The following SIL1 variants were observed in gnomAD, a reference collection of about 807,000 sequenced individuals.
SIL1 encodes nucleotide exchange factor SIL1.
In SIL1, 40 loss-of-function variants were observed where a neutral mutation model predicts 49.1. The observed-to-expected ratio is 0.81, with a 90% CI of 0.63 to 1.06. SIL1 has a LOEUF of 1.06. SIL1 is among the 50% of genes least tolerant of loss of function. SIL1 has a pLI of 0.00. For missense variants in SIL1, 500 were observed against 572.6 expected, an observed-to-expected ratio of 0.87 and a Z score of 1.29; for synonymous variants, 253 against 250.8, an observed-to-expected ratio of 1.01 and a Z score of -0.08.
intron 1 of SIL1, among the ~76,000 whole-genome samples, chr5:139,148,775 C>T (rs1751240101): frequency 6.6e-6 from 1 of 152,198 alleles, no homozygotes; most frequent in South Asian, 2.1e-4. Context: ...ACAGAACTAC[C>T]AACTCACCTC....
chr5:139,008,823 G>A (rs573099694), intron 7 of SIL1, among the ~76,000 whole-genome samples: 160 of 152,274 alleles, frequency 1.1e-3, no homozygotes, highest in Middle Eastern at 3.4e-3. Flanking sequence ...TGTGGTCTGA[G>A]AGATAGTTTG....
At chr5:139,032,872 A>G (rs1768822521) in intron 5 of SIL1, 1 of 151,926 alleles carries the variant, frequency 6.6e-6, no homozygotes, top group Non-Finnish European at 1.5e-5. Context: ...CTCTTACTGT[A>G]TTTTCCTTTT....
intron 1 of SIL1, among the ~76,000 whole-genome samples, chr5:139,166,177 T>C (rs919680616): frequency 6.6e-6 from 1 of 152,164 alleles, no homozygotes; most frequent in Non-Finnish European, 1.5e-5. Flanking sequence ...TCTCCCTAAC[T>C]AGACAACAAC....
At chr5:138,960,234 C>T (rs909095382) in intron 7 of SIL1, among the ~76,000 whole-genome samples, 8 of 152,100 alleles carry the variant, frequency 5.3e-5, no homozygotes, top group South Asian at 2.1e-4. Context: ...CTTCCTGATC[C>T]GTGCCATCTG....
At chr5:139,160,689 G>A (rs1159550669) in intron 1 of SIL1, among the ~76,000 whole-genome samples, 1 of 152,106 alleles carries the variant, frequency 6.6e-6, no homozygotes, top group Non-Finnish European at 1.5e-5. Flanking sequence ...AATTAGCTGG[G>A]TGTGGTGGCA....
intron 1 of SIL1, among the ~76,000 whole-genome samples, chr5:139,143,648 G>A (rs1040349528): frequency 2.2e-4 from 34 of 151,702 alleles, no homozygotes; most frequent in African/African-American, 7.8e-4. Context: ...CTGGGATTAC[G>A]GGCATAAGCC....
At chr5:139,180,381 C>CAAAA (rs35534058) in intron 1 of SIL1, among the ~76,000 whole-genome samples, 17 of 57,020 alleles carry the variant, frequency 3.0e-4, no homozygotes, top group African/African-American at 1.0e-3. Flanking sequence ...AACTCCATCT[C>CAAAA]AAAAAAAAAA....
At chr5:139,177,787 G>A (rs774454757) in intron 1 of SIL1, among the ~76,000 whole-genome samples, 4 of 152,248 alleles carry the variant, frequency 2.6e-5, no homozygotes, top group Non-Finnish European at 5.9e-5. Flanking sequence ...TGGACACACA[G>A]TGGGAGGAAC....
intron 1 of SIL1, among the ~76,000 whole-genome samples, chr5:139,181,424 A>G (rs139218343): frequency 6.6e-5 from 10 of 152,324 alleles, no homozygotes; most frequent in African/African-American, 2.4e-4. Context: ...GAGGAGTTAT[A>G]TACAAGTCTC....
intron 1 of SIL1, among the ~76,000 whole-genome samples, chr5:139,138,144 TAC>T (rs4031712): frequency 0.52 from 77,586 of 149,784 alleles, 20,708 homozygotes; most frequent in African/African-American, 0.65. Context: ...CACACACATA[TAC>T]ACACACACAC....
At chr5:139,194,259 T>C (rs1000679184) in intron 1 of SIL1, among the ~76,000 whole-genome samples, 1 of 152,208 alleles carries the variant, frequency 6.6e-6, no homozygotes, top group African/African-American at 2.4e-5. Flanking sequence ...GGAAAATTCC[T>C]AGCTTGAGGT....
At chr5:139,056,052 C>A (rs1769411506) in intron 3 of SIL1, among the ~76,000 whole-genome samples, 1 of 151,876 alleles carries the variant, frequency 6.6e-6, no homozygotes, top group Admixed American at 6.5e-5. Flanking sequence ...CTGCCTTGGC[C>A]TCCCAAAGTG....
chr5:139,099,975 G>A (rs563420365), intron 3 of SIL1, among the ~76,000 whole-genome samples: 2 of 152,204 alleles, frequency 1.3e-5, no homozygotes, highest in East Asian at 3.9e-4. Flanking sequence ...TGAGGGGAAG[G>A]ATACCCCATT....
chr5:138,969,686 T>C (rs79143720), intron 7 of SIL1, among the ~76,000 whole-genome samples: 3,415 of 152,258 alleles, frequency 0.022, 54 homozygotes, highest in Middle Eastern at 0.051. Context: ...ACAAATACCA[T>C]ATACGATCAG....
chr5:139,055,675 A>C (rs1581063681), intron 3 of SIL1, among the ~76,000 whole-genome samples: 2 of 74,602 alleles, frequency 2.7e-5, no homozygotes, highest in Admixed American at 1.9e-4. Flanking sequence ...CCCTCTCCCC[A>C]CGGTCTCCCT....
chr5:139,153,815 G>A (rs951922749), intron 1 of SIL1, among the ~76,000 whole-genome samples: 5 of 152,182 alleles, frequency 3.3e-5, no homozygotes, highest in South Asian at 2.1e-4. Context: ...GTGAGGTATC[G>A]GAATGTAGGT....
At chr5:138,966,639 C>T (rs1225276749) in intron 7 of SIL1, among the ~76,000 whole-genome samples, 1 of 152,118 alleles carries the variant, frequency 6.6e-6, no homozygotes, top group East Asian at 1.9e-4. Flanking sequence ...ACAAAAAACC[C>T]GCAGCCCCTC....
At chr5:139,105,900 G>A (rs1770698400) in intron 3 of SIL1, among the ~76,000 whole-genome samples, 1 of 152,244 alleles carries the variant, frequency 6.6e-6, no homozygotes, top group Non-Finnish European at 1.5e-5. Context: ...TCTCTGTGCA[G>A]GGAAAAGGAG....
chr5:138,973,377 GA>G (rs369674716), intron 7 of SIL1, among the ~76,000 whole-genome samples: 83 of 148,470 alleles, frequency 5.6e-4, no homozygotes, highest in Middle Eastern at 3.5e-3. Flanking sequence ...TCATGGTAAA[GA>G]AAAAAAAAAT....
Sources: allele counts gnomAD v4.1 joint callset (sites outside exome capture counted in the v4.1 genomes callset), GRCh38; gene constraint gnomAD v4.1.1; transcripts MANE v1.5; gene names NCBI Gene and HGNC (gene_info 2026-07-23, HGNC 2026-07-21).